The following PLA2G4C variants were observed in gnomAD, a reference collection of about 807,000 sequenced individuals.
The protein encoded by PLA2G4C is phospholipase A2 group IVC.
PLA2G4C carries 64 observed loss-of-function variants against 73.8 expected under a neutral mutation model. The observed-to-expected ratio is 0.87, with a 90% CI of 0.71 to 1.07. The LOEUF is 1.07. PLA2G4C is among the 50% of genes least tolerant of loss of function. The probability of loss-of-function intolerance (pLI) is 0.00; values close to 1 mark genes in which losing one functional copy is unlikely to be tolerated. For missense variants in PLA2G4C, 622 were observed against 665.4 expected, an observed-to-expected ratio of 0.93 and a Z score of 0.72; for synonymous variants, 254 against 252.1, an observed-to-expected ratio of 1.01 and a Z score of -0.07.
intron 13 of PLA2G4C, among the ~76,000 whole-genome samples, chr19:48,064,166 C>T (rs12984245): frequency 0.042 from 6,393 of 152,186 alleles, 262 homozygotes; most frequent in African/African-American, 0.11. Flanking sequence ...CGGTGGCTCA[C>T]GCCTGTAATC....
chr19:48,079,344 TA>T (rs1242117036), intron 10 of PLA2G4C, among the ~76,000 whole-genome samples: 1 of 152,026 alleles, frequency 6.6e-6, no homozygotes, highest in Non-Finnish European at 1.5e-5. Context: ...TGGAACAGAA[TA>T]GAGAGCCCAG....
chr19:48,053,869 C>T lies in PLA2G4C; in HGVS notation c.1430-722G>A, dbSNP rs550260828. ...TGTGGGAAGTGGCACAATCAGGCCCCGGAGGACCACCCATCCTGGATGCTA... is the reference window on the plus strand; with the variant it reads ...TGTGGGAAGTGGCACAATCAGGCCCTGGAGGACCACCCATCCTGGATGCTA... On this transcript the variant is annotated intron_variant, in intron 15 of 16. Coordinates refer to ENST00000599921, the MANE Select transcript of PLA2G4C (RefSeq NM_003706.3). Among the ~76,000 whole-genome samples the T allele has an allele frequency of 5.3e-5, 8 of 152,270 alleles. No homozygotes were observed. In the South Asian group the frequency reaches 6.2e-4, roughly 12 times the overall value.
At position 48,108,062 on chromosome 19, in the gene PLA2G4C, G is replaced by A. The variant is rs1024871991; in HGVS notation, c.-32-1501C>T. 2.0e-5 allele frequency among the ~76,000 whole-genome samples: 3 copies of A among 152,078 alleles called. No individual in the cohort carries two copies. The East Asian group carries it at 5.8e-4, about 29-fold the overall frequency. ...GGGCCACTATCGGTCTCTGCGTCTT[G>A]GTGGTAGTGGTCCCCCAGGCCCAGC... On this transcript the variant is annotated intron_variant, in intron 1 of 16. Coordinates refer to ENST00000599921, the MANE Select transcript of PLA2G4C (RefSeq NM_003706.3).
chr19:48,053,418 G>A (rs139098996), intron 15 of PLA2G4C, among the ~76,000 whole-genome samples: 2 of 134,518 alleles, frequency 1.5e-5, no homozygotes, highest in East Asian at 4.2e-4. Context: ...CTCCCAGGCT[G>A]GAGTCCAATG....
At chr19:48,083,301 A>G (rs1206565452) in intron 10 of PLA2G4C, among the ~76,000 whole-genome samples, 4 of 151,950 alleles carry the variant, frequency 2.6e-5, no homozygotes, top group Admixed American at 2.6e-4. Context: ...TGATATAAAT[A>G]TACAAGATTG....
chr19:48,105,509 T>C, intron 2 of PLA2G4C, 65 bp from the exon 3 acceptor site: 3 of 1,312,830 alleles, frequency 2.3e-6, no homozygotes, highest in Non-Finnish European at 3.3e-6. Context: ...AACACAGAAT[T>C]TGACCTAGAA....
chr19:48,079,304 T>C (rs1358322133), intron 10 of PLA2G4C, among the ~76,000 whole-genome samples: 1 of 152,174 alleles, frequency 6.6e-6, no homozygotes, highest in Admixed American at 6.5e-5. Context: ...AACAGCACGG[T>C]ACTGGTATAA....
intron 14 of PLA2G4C, among the ~76,000 whole-genome samples, chr19:48,058,596 T>C (rs1288683663): frequency 6.6e-6 from 1 of 152,084 alleles, no homozygotes; most frequent in Non-Finnish European, 1.5e-5. Flanking sequence ...GGTGGGCGGA[T>C]CACCTGAGGT....
intron 10 of PLA2G4C, 69 bp from the exon 11 acceptor site, chr19:48,077,893 C>T: frequency 7.8e-7 from 1 of 1,278,100 alleles, no homozygotes; most frequent in African/African-American, 1.5e-5. Flanking sequence ...TACAGATTAC[C>T]TGCAGCGACG....
At chr19:48,069,031 T>G (rs1600184913) in intron 12 of PLA2G4C, among the ~76,000 whole-genome samples, 1 of 126,736 alleles carries the variant, frequency 7.9e-6, no homozygotes, top group Non-Finnish European at 1.6e-5. Context: ...GGCAACATGG[T>G]GAAACCCCAT....
chr19:48,087,894 C>A (rs1411262925), intron 9 of PLA2G4C, among the ~76,000 whole-genome samples: 1 of 151,154 alleles, frequency 6.6e-6, no homozygotes, highest in East Asian at 1.9e-4. Flanking sequence ...TGAGATCATG[C>A]CATTGTATTC....
chr19:48,102,538 T>C (rs917484980), intron 4 of PLA2G4C, among the ~76,000 whole-genome samples: 2 of 152,052 alleles, frequency 1.3e-5, no homozygotes, highest in African/African-American at 4.8e-5. Flanking sequence ...TTTAAAATGA[T>C]AGAATAGATG....
chr19:48,106,174 C>T (rs1354689544), intron 2 of PLA2G4C, among the ~76,000 whole-genome samples: 1 of 150,276 alleles, frequency 6.7e-6, no homozygotes, highest in African/African-American at 2.4e-5. Flanking sequence ...CCTTGAACAC[C>T]GGGACTCAAG....
At chr19:48,059,764 CT>C (rs571325645) in intron 14 of PLA2G4C, among the ~76,000 whole-genome samples, 5,855 of 122,434 alleles carry the variant, frequency 0.048, 101 homozygotes, top group African/African-American at 0.087. Context: ...GGCTTCCCTA[CT>C]TTTTTTTTTT....
intron 7 of PLA2G4C, among the ~76,000 whole-genome samples, chr19:48,094,423 G>T (rs769378124): frequency 6.6e-6 from 1 of 152,166 alleles, no homozygotes; most frequent in Non-Finnish European, 1.5e-5. Context: ...CAGGCTCCTA[G>T]TGTGTCTCAA....
chr19:48,068,514 C>A (rs1968534862), intron 12 of PLA2G4C, among the ~76,000 whole-genome samples: 1 of 151,614 alleles, frequency 6.6e-6, no homozygotes. Flanking sequence ...GAGACCACAT[C>A]TTTACAAAAA....
intron 9 of PLA2G4C, among the ~76,000 whole-genome samples, chr19:48,085,435 G>A (rs1291212807): frequency 6.6e-6 from 1 of 152,158 alleles, no homozygotes; most frequent in Non-Finnish European, 1.5e-5. Flanking sequence ...CAGGCAGGAA[G>A]GGCAAATATT....
At chr19:48,107,351 A>T (rs913816486) in intron 1 of PLA2G4C, among the ~76,000 whole-genome samples, 2 of 109,076 alleles carry the variant, frequency 1.8e-5, no homozygotes, top group African/African-American at 4.2e-5. Flanking sequence ...TCTTTTTTTT[A>T]AAACAAAAAC....
chr19:48,100,383 G>A (rs397170), intron 4 of PLA2G4C, among the ~76,000 whole-genome samples: 42,718 of 150,906 alleles, frequency 0.28, 9,586 homozygotes, highest in African/African-American at 0.64. Context: ...GCCAGGCGTG[G>A]TGGCATGCGT....
Sources: allele counts gnomAD v4.1 joint callset (sites outside exome capture counted in the v4.1 genomes callset), GRCh38; gene constraint gnomAD v4.1.1; transcripts MANE v1.5; gene names NCBI Gene and HGNC (gene_info 2026-07-23, HGNC 2026-07-21).